FAT4: variants seen among roughly 807,000 people sequenced by gnomAD.
FAT4 encodes protocadherin Fat 4.
In FAT4, 84 loss-of-function variants were observed where a neutral mutation model predicts 303.9. That is an observed-to-expected ratio of 0.28 (90% confidence interval 0.23 to 0.33). The LOEUF is 0.33. Among genes scored for constraint, FAT4 ranks in the 10% least tolerant of loss-of-function variants. FAT4 has a pLI of 1.00. For synonymous variants in FAT4, 2,307 were observed against 2,298.8 expected (o/e 1.00, Z -0.10); for missense variants, 6,005 against 6,146.8 (o/e 0.98, Z 0.77).
At chr4:125,487,156 A>C (rs1727436578) in intron 16 of FAT4, among the ~76,000 whole-genome samples, 189 bp from the exon 17 acceptor site, 1 of 152,218 alleles carries the variant, frequency 6.6e-6, no homozygotes. Context: ...AAACCATTGA[A>C]ACTTAAATGT....
intron 8 of FAT4, among the ~76,000 whole-genome samples, chr4:125,440,926 G>A (rs2135428): frequency 0.99 from 151,264 of 152,292 alleles, 75,127 homozygotes; most frequent in Middle Eastern, 1. Flanking sequence ...CTCAATCAGT[G>A]GACAAATTCT....
At chr4:125,361,964 T>C (rs1313899741) in intron 2 of FAT4, among the ~76,000 whole-genome samples, 1 of 152,108 alleles carries the variant, frequency 6.6e-6, no homozygotes, top group Non-Finnish European at 1.5e-5. Flanking sequence ...GCCTTGTTTA[T>C]TTTAAGTCCC....
At chr4:125,372,010 A>G (rs1356697599) in intron 2 of FAT4, among the ~76,000 whole-genome samples, 3 of 152,092 alleles carry the variant, frequency 2.0e-5, no homozygotes, top group East Asian at 3.9e-4. Context: ...TTTTTTGAAT[A>G]AAAGAAGAAC....
chr4:125,401,721 G>A (rs779937855), intron 3 of FAT4, among the ~76,000 whole-genome samples: 13 of 107,384 alleles, frequency 1.2e-4, no homozygotes, highest in African/African-American at 3.9e-4. Flanking sequence ...ACATGATTCC[G>A]TTTGTCTCTT....
intron 2 of FAT4, among the ~76,000 whole-genome samples, chr4:125,348,757 C>T (rs991004239): frequency 1.3e-5 from 2 of 151,454 alleles, no homozygotes; most frequent in Admixed American, 1.3e-4. Context: ...TAATTGTGAT[C>T]GAAGCCGACA....
rs564401312 is a variant in FAT4, at chr4:125,463,663, A to G, written c.11901A>G (p.Pro3967=). The G allele has an allele frequency of 5.8e-6, 9 of 1,548,302 alleles. No homozygotes were observed. The highest frequency in any genetic ancestry group is 2.7e-5 in the African/African-American group (2 of 73,850). ...TGGATTCTTATTATTGTCATTGTCC[A>G]TTTGGTGAGTAAAACTTATTTGTTG... ...SGVDSYYCHC[P]FGVFGKHCEL... is the part of the protein sequence containing the mutation. Residue 3967 remains proline (P), a synonymous_variant, in exon 11 of 18, where the codon CCA becomes CCG. Coordinates refer to ENST00000394329, the MANE Select transcript of FAT4 (RefSeq NM_001291303.3).
intron 17 of FAT4, among the ~76,000 whole-genome samples, chr4:125,488,675 A>G (rs1434461861): frequency 6.6e-6 from 1 of 152,214 alleles, no homozygotes; most frequent in East Asian, 1.9e-4. Flanking sequence ...GAGAAATATT[A>G]GATTTGGTTT....
intron 2 of FAT4, among the ~76,000 whole-genome samples, chr4:125,337,811 T>G (rs1731632618): frequency 1.3e-5 from 2 of 152,144 alleles, no homozygotes; most frequent in Admixed American, 1.3e-4. Flanking sequence ...AGAGAGTCTA[T>G]GTAATACATG....
intron 2 of FAT4, among the ~76,000 whole-genome samples, chr4:125,353,453 T>C (rs1732309754): frequency 6.6e-6 from 1 of 151,678 alleles, no homozygotes; most frequent in South Asian, 2.1e-4. Flanking sequence ...AAATTGGTAT[T>C]GGCTCAGAAA....
rs745425307 is a variant in FAT4 at position 125,449,418 on chromosome 4, T to C, written c.8408T>C (p.Ile2803Thr). Residue 2803 changes from isoleucine (I) to threonine (T), a missense_variant, in exon 10 of 18, where the codon ATT becomes ACT. By Grantham distance (89) the Ile-to-Thr change is moderately conservative. Coordinates refer to ENST00000394329, the MANE Select transcript of FAT4 (RefSeq NM_001291303.3). ...VTRVTTSDED[I>T]GINAISRYSI... is the part of the protein sequence containing the mutation. ...CGTGTCACAACTTCTGATGAAGACATTGGGATCAATGCAATTAGTAGATAT... is the reference window on the plus strand; with the variant it reads ...CGTGTCACAACTTCTGATGAAGACACTGGGATCAATGCAATTAGTAGATAT... 4.0e-5 allele frequency: 64 copies of C among 1,613,702 alleles called. No homozygotes were observed. The highest frequency in any genetic ancestry group is 2.0e-4 in the Admixed American group (12 of 59,968).
At position 125,320,371 on chromosome 4, in the gene FAT4, C is replaced by T. The variant is rs745691036; in HGVS notation, c.3960C>T (p.Leu1320=). The T allele has an allele frequency of 3.7e-6, 6 of 1,613,812 alleles. No homozygotes were observed. The highest frequency in any genetic ancestry group is 5.1e-6 in the Non-Finnish European group (6 of 1,179,866). The change falls in exon 2 of 18, where the codon CTC becomes CTT. Residue 1320 remains leucine (L), a synonymous_variant. Transcript: ENST00000394329. ...DNTPSFPKST[L]FVDVLENMRI... ...CCCCTTCTTTCCCTAAATCAACACT[C>T]TTTGTTGATGTTTTGGAAAACATGA...
chr4:125,484,967 C>T (rs1317068751), intron 16 of FAT4, among the ~76,000 whole-genome samples: 2 of 151,970 alleles, frequency 1.3e-5, no homozygotes, highest in East Asian at 2.0e-4. Flanking sequence ...ATCCTCCCAC[C>T]TCAGCCTCCC....
At chr4:125,398,309 G>A (rs1476986617) in intron 2 of FAT4, among the ~76,000 whole-genome samples, 1 of 152,094 alleles carries the variant, frequency 6.6e-6, no homozygotes, top group African/African-American at 2.4e-5. Flanking sequence ...CTTTAAAGGG[G>A]GAAATTCTGA....
chr4:125,339,181 T>C (rs1445228782), intron 2 of FAT4, among the ~76,000 whole-genome samples: 2 of 152,192 alleles, frequency 1.3e-5, no homozygotes, highest in African/African-American at 2.4e-5. Context: ...TCCTTTTTTT[T>C]GAGACGGAGT....
Position 125,452,411 on chromosome 4 carries a change from G to C in FAT4, c.11401G>C (p.Glu3801Gln). 6.2e-7 allele frequency: 1 copy of C among 1,614,098 alleles called. No homozygotes were observed. The highest frequency in any genetic ancestry group is 8.5e-7 in the Non-Finnish European group (1 of 1,180,028). Residue 3801 changes from glutamate (E) to glutamine (Q), a missense_variant, in exon 10 of 18, where the codon GAA (glutamate) becomes CAA (glutamine). By Grantham distance (29) the Glu-to-Gln change is conservative. Coordinates refer to ENST00000394329, the MANE Select transcript of FAT4 (RefSeq NM_001291303.3). The part of the protein sequence containing the change: ...ILLRQSGVKV[E>Q]SVDHDSCVHG... ...TCTCCGGCAGAGTGGAGTAAAGGTG[G>C]AATCTGTGGATCATGACTCCTGTGT... is the stretch of plus-strand genomic sequence containing the variant.
At chr4:125,433,854 T>A (rs1725359178) in intron 7 of FAT4, among the ~76,000 whole-genome samples, 1 of 152,192 alleles carries the variant, frequency 6.6e-6, no homozygotes, top group Non-Finnish European at 1.5e-5. Flanking sequence ...CCTTGTTAGT[T>A]GGCCAGCTCT....
chr4:125,452,500 A>T lies in FAT4; in HGVS notation c.11490A>T (p.Lys3830Asn), dbSNP rs766549943. The T allele has an allele frequency of 1.1e-5, 17 of 1,613,920 alleles. No individual in the cohort carries two copies. In the South Asian group the frequency reaches 1.8e-4, roughly 17 times the overall value. Residue 3830 changes from lysine to asparagine, a missense_variant, in exon 10 of 18, where the codon AAA (lysine) becomes AAT (asparagine). Lys to Asn is a moderately conservative substitution (Grantham distance 94). Transcript: ENST00000394329. ...LRRLAVSSVLKSRESLPVIIV... is the reference protein window; with the variant it reads ...LRRLAVSSVLNSRESLPVIIV... The stretch of plus-strand genomic sequence containing the variant: ...GATTGGCTGTGAGCTCCGTATTAAA[A>T]AGCCGTGAGAGTCTTCCAGTCATCA...
intron 16 of FAT4, among the ~76,000 whole-genome samples, chr4:125,482,517 C>A (rs1021473051): frequency 6.6e-6 from 1 of 151,954 alleles, no homozygotes; most frequent in Non-Finnish European, 1.5e-5. Context: ...TCTCCTAGAC[C>A]AACAGTTTCT....
At chr4:125,321,816 A>G (rs1278756440) in intron 2 of FAT4, among the ~76,000 whole-genome samples, 1 of 152,226 alleles carries the variant, frequency 6.6e-6, no homozygotes, top group Admixed American at 6.5e-5. Flanking sequence ...TTTACTTTAT[A>G]GCAATCACAT....
Sources: gnomAD v4.1 joint callset for allele counts (sites outside exome capture counted in the v4.1 genomes callset) on GRCh38, gnomAD v4.1.1 for gene constraint, MANE v1.5 for transcripts, NCBI Gene and HGNC (gene_info 2026-07-23, HGNC 2026-07-21) for gene names.